Variants in TPRX1 observed in about 807,000 individuals in gnomAD.
TPRX1 encodes the protein tetra-peptide repeat homeobox protein 1.
A neutral mutation model predicts 8.1 loss-of-function variants in TPRX1; 2 were observed. The ratio of observed to expected loss-of-function variants is 0.25; its 90% CI spans 0.10 to 0.78. The LOEUF (loss-of-function observed/expected upper bound fraction) is 0.78, where lower values mean the gene tolerates loss of function less well. Ranked by LOEUF, TPRX1 falls within the 30% of genes least tolerant of loss-of-function variation. The pLI, the probability that TPRX1 is intolerant of heterozygous loss-of-function variation, is 0.70. For synonymous variants in TPRX1, 257 were observed against 254.1 expected (o/e 1.01, Z -0.11); for missense variants, 517 against 586.9 (o/e 0.88, Z 1.23).
At chr19:47,802,843 C>G (rs755520930) in exon 4 of TPRX1, 5 of 1,601,388 alleles carry the variant, frequency 3.1e-6, no homozygotes, top group Non-Finnish European at 8.5e-7. Context: ...AGGGGCCCCG[C>G]TGAGGTGCGG....
intron 2 of TPRX1, among the ~76,000 whole-genome samples, chr19:47,816,665 T>C (rs7256351): frequency 0.029 from 4,412 of 151,814 alleles, 196 homozygotes; most frequent in African/African-American, 0.1. Context: ...CCCGAGTAGC[T>C]GGGACTACAG....
At chr19:47,809,407 A>G (rs1452127026) in intron 2 of TPRX1, among the ~76,000 whole-genome samples, 1 of 151,732 alleles carries the variant, frequency 6.6e-6, no homozygotes, top group East Asian at 1.9e-4. Flanking sequence ...CAGCCTCCCA[A>G]GTAGCTGAGA....
chr19:47,805,895 T>C (rs763972150), intron 2 of TPRX1, among the ~76,000 whole-genome samples: 1 of 152,152 alleles, frequency 6.6e-6, no homozygotes, highest in Admixed American at 6.6e-5. Context: ...AAGGAGAAAA[T>C]GCTGAAAACA....
chr19:47,813,155 CAA>C (rs1161748569), intron 2 of TPRX1, among the ~76,000 whole-genome samples: 4 of 115,238 alleles, frequency 3.5e-5, no homozygotes, highest in African/African-American at 1.3e-4. Flanking sequence ...ATAAATAAAA[CAA>C]CCCCCCCCAC....
chr19:47,807,721 A>G (rs1011642108), intron 2 of TPRX1, among the ~76,000 whole-genome samples: 4 of 152,306 alleles, frequency 2.6e-5, no homozygotes. Context: ...TGGATGACAT[A>G]TCAATAAAAA....
chr19:47,811,341 T>C (rs1410035465), intron 2 of TPRX1, among the ~76,000 whole-genome samples: 2 of 151,480 alleles, frequency 1.3e-5, no homozygotes, highest in Non-Finnish European at 2.9e-5. Flanking sequence ...ACAACATATA[T>C]TCAATAAGGT....
At chr19:47,818,376 A>ATCC (rs1967869362) in intron 2 of TPRX1, 9 of 332,942 alleles carry the variant, frequency 2.7e-5, no homozygotes, top group African/African-American at 7.9e-5. Flanking sequence ...ATCATCCATC[A>ATCC]CCCATCCATC....
chr19:47,812,426 GTC>G (rs1470597051), intron 2 of TPRX1, among the ~76,000 whole-genome samples: 2 of 151,854 alleles, frequency 1.3e-5, no homozygotes, highest in East Asian at 3.9e-4. Context: ...GCGAGATCTT[GTC>G]TCTCTTAAAA....
chr19:47,806,830 T>A (rs1368691668), intron 2 of TPRX1, among the ~76,000 whole-genome samples: 1 of 152,050 alleles, frequency 6.6e-6, no homozygotes, highest in Non-Finnish European at 1.5e-5. Context: ...AGATAGCTAT[T>A]GGGGACGGTG....
intron 2 of TPRX1, among the ~76,000 whole-genome samples, chr19:47,815,646 CAA>C (rs34265596): frequency 3.3e-5 from 2 of 60,286 alleles, no homozygotes; most frequent in Non-Finnish European, 2.9e-5. Context: ...CCCGTCTCTA[CAA>C]AAAAAAAAAA....
intron 2 of TPRX1, among the ~76,000 whole-genome samples, chr19:47,810,916 T>C (rs1224964596): frequency 6.6e-6 from 1 of 150,596 alleles, no homozygotes; most frequent in African/African-American, 2.4e-5. Flanking sequence ...TAGAATCTTG[T>C]TGTTCAATGT....
exon 2 of TPRX1, chr19:47,818,527 G>A: frequency 2.2e-6 from 1 of 456,036 alleles, no homozygotes; most frequent in Non-Finnish European, 4.4e-6. Flanking sequence ...AGACAGACAG[G>A]GCCCCATCCT....
At chr19:47,818,531 C>G (rs1426224649) in exon 2 of TPRX1, 1 of 456,062 alleles carries the variant, frequency 2.2e-6, no homozygotes, top group Non-Finnish European at 4.4e-6. Flanking sequence ...AGACAGGGCC[C>G]CATCCTCCTG....
At chr19:47,806,089 G>A (rs1178475692) in intron 2 of TPRX1, among the ~76,000 whole-genome samples, 2 of 152,154 alleles carry the variant, frequency 1.3e-5, no homozygotes, top group African/African-American at 4.8e-5. Context: ...TGGGCGTGGT[G>A]GCCAGCACCT....
chr19:47,813,365 C>T (rs972217071), intron 2 of TPRX1, among the ~76,000 whole-genome samples: 4 of 151,652 alleles, frequency 2.6e-5, no homozygotes, highest in Admixed American at 1.3e-4. Context: ...CAAAAGCCCA[C>T]GACCCCCCCA....
At chr19:47,811,839 C>T (rs990718993) in intron 2 of TPRX1, among the ~76,000 whole-genome samples, 2 of 151,482 alleles carry the variant, frequency 1.3e-5, no homozygotes, top group African/African-American at 2.4e-5. Context: ...ATGAGGAGAA[C>T]TGCCTGTATT....
chr19:47,802,042 G>C, exon 4 of TPRX1: 1 of 1,607,520 alleles, frequency 6.2e-7, no homozygotes, highest in Admixed American at 1.7e-5. Context: ...GTGATCCTGG[G>C]CCTGGGATTG....
chr19:47,817,083 G>T (rs953586775), intron 2 of TPRX1, among the ~76,000 whole-genome samples: 3 of 152,194 alleles, frequency 2.0e-5, no homozygotes, highest in African/African-American at 4.8e-5. Context: ...CACCCACTGG[G>T]TCCCAGGTTC....
chr19:47,815,114 T>TTATATATATA (rs548380113), intron 2 of TPRX1, among the ~76,000 whole-genome samples: 3,055 of 63,148 alleles, frequency 0.048, 126 homozygotes, highest in Middle Eastern at 0.083. Context: ...AATAGATAAA[T>TTATATATATA]TATATATATA....
Sources: allele counts gnomAD v4.1 joint callset (sites outside exome capture counted in the v4.1 genomes callset), GRCh38; gene constraint gnomAD v4.1.1; transcripts MANE v1.5; gene names NCBI Gene and HGNC (gene_info 2026-07-23, HGNC 2026-07-21).